The following CPNE9 variants were observed in gnomAD, a reference collection of about 807,000 sequenced individuals.
The protein encoded by CPNE9 is copine family member 9.
A neutral mutation model predicts 83.0 loss-of-function variants in CPNE9; 59 were observed. The ratio of observed to expected loss-of-function variants is 0.71; its 90% CI spans 0.58 to 0.88. CPNE9 has a LOEUF of 0.88. Among genes scored for constraint, CPNE9 ranks in the 40% least tolerant of loss-of-function variants. The pLI is 0.00. For missense variants in CPNE9, 619 were observed against 720.8 expected (o/e 0.86, Z 1.62); for synonymous variants, 256 against 273.4 (o/e 0.94, Z 0.63).
chr3:9,711,295 C>CG (rs1553689704), intron 7 of CPNE9, among the ~76,000 whole-genome samples: 1 of 152,050 alleles, frequency 6.6e-6, no homozygotes, highest in Non-Finnish European at 1.5e-5. Flanking sequence ...CTCTGCTTCC[C>CG]GGGTTCAAGC....
At chr3:9,726,444 A>T (rs960423112) in intron 18 of CPNE9, among the ~76,000 whole-genome samples, 1 of 152,236 alleles carries the variant, frequency 6.6e-6, no homozygotes, top group Non-Finnish European at 1.5e-5. Context: ...ATTGGACAGT[A>T]TGCAAATATG....
Position 9,713,111 on chromosome 3 carries a change from G to T in CPNE9, c.650+32G>T, listed in dbSNP as rs373156641. Reference sequence around the variant, plus strand: ...TCCAGCATAAGCTGGGGAGTAAGGAGCCAAGGACATGCCAGTGTGGTTCCT... The same window carrying T: ...TCCAGCATAAGCTGGGGAGTAAGGATCCAAGGACATGCCAGTGTGGTTCCT... On this transcript the variant is annotated intron_variant, in intron 10 of 20. Transcript: ENST00000383832. 1.1e-5 allele frequency: 16 copies of T among 1,518,704 alleles called. No homozygotes were observed. In the East Asian group the frequency reaches 3.6e-4, roughly 34 times the overall value. 94.1% of individuals were successfully genotyped at this position (1,518,704 alleles called of 1,614,324 possible). A position where few individuals can be genotyped will look rare whatever the true frequency, so the allele number is the denominator to read the frequency against.
chr3:9,725,921 C>A, intron 17 of CPNE9, 28 bp from the exon 18 acceptor site: 1 of 1,564,890 alleles, frequency 6.4e-7, no homozygotes, highest in Non-Finnish European at 8.8e-7. Flanking sequence ...TGGCTTTCAG[C>A]TGGATTCTCA....
intron 17 of CPNE9, among the ~76,000 whole-genome samples, chr3:9,721,924 T>G (rs916997515): frequency 5.0e-5 from 7 of 139,846 alleles, no homozygotes; most frequent in Non-Finnish European, 7.8e-5. Context: ...TTGTTTTTAG[T>G]TTTTTTTTTT....
At chr3:9,725,286 G>A (rs1193532428) in intron 17 of CPNE9, among the ~76,000 whole-genome samples, 2 of 152,024 alleles carry the variant, frequency 1.3e-5, no homozygotes, top group Admixed American at 1.3e-4. Flanking sequence ...TGTGCTCCCA[G>A]CACTTTGAGA....
intron 20 of CPNE9, among the ~76,000 whole-genome samples, chr3:9,728,660 A>AT (rs2076804236): frequency 6.6e-6 from 1 of 152,134 alleles, no homozygotes; most frequent in Non-Finnish European, 1.5e-5. Context: ...ATAAAACATA[A>AT]TTTTTTGAAA....
intron 6 of CPNE9, 125 bp from the exon 7 acceptor site, chr3:9,705,862 C>A: frequency 3.0e-6 from 4 of 1,335,082 alleles, no homozygotes; most frequent in Non-Finnish European, 4.2e-6. Context: ...CCATGTAGGG[C>A]CGTGGCTCTT....
intron 10 of CPNE9, 99 bp downstream of exon 10, chr3:9,713,178 G>A (rs2076647009): frequency 2.1e-6 from 2 of 930,878 alleles, no homozygotes; most frequent in Non-Finnish European, 3.3e-6. Flanking sequence ...TAGCGTTGGA[G>A]GGTCCTGCTC....
rs1316667739 is a variant in CPNE9, at chr3:9,718,099, C to T, written c.1002C>T (p.Leu334=). The change falls in exon 16 of 21, where the codon CTC becomes CTT. Residue 334 remains leucine (L), a synonymous_variant. Coordinates refer to ENST00000383832, the MANE Select transcript of CPNE9 (RefSeq NM_153635.3). ...AGCTCAGCGCCTATGCCATGGCCCT[C>T]AAGGCAGTGGGAGAGATCATCCAGG... is the stretch of plus-strand genomic sequence containing the variant. ...PYQLSAYAMA[L]KAVGEIIQDY... is the part of the protein sequence containing the mutation. 1 of 1,613,994 alleles carries T rather than the reference C, an allele frequency of 6.2e-7. No individual in the cohort carries two copies. The highest frequency in any genetic ancestry group is 2.2e-5 in the East Asian group (1 of 44,890).
At chr3:9,706,405 T>G (rs935565556) in intron 7 of CPNE9, among the ~76,000 whole-genome samples, 1 of 152,100 alleles carries the variant, frequency 6.6e-6, no homozygotes, top group Non-Finnish European at 1.5e-5. Flanking sequence ...CCTCAGGAAT[T>G]ACCATTACAT....
At chr3:9,725,690 A>ATGTGTATATATG in intron 17 of CPNE9, among the ~76,000 whole-genome samples, 1 of 41,886 alleles carries the variant, frequency 2.4e-5, no homozygotes, top group South Asian at 1.1e-3. Context: ...ATATATATAC[A>ATGTGTATATATG]TATATGTGTA....
At chr3:9,707,605 C>A (rs1037883547) in intron 7 of CPNE9, among the ~76,000 whole-genome samples, 1 of 150,714 alleles carries the variant, frequency 6.6e-6, no homozygotes, top group African/African-American at 2.4e-5. Flanking sequence ...GGAATTGACA[C>A]AAACTGAGAT....
chr3:9,705,980 T>G lies in CPNE9; in HGVS notation c.301-7T>G. 6.2e-7 allele frequency: 1 copy of G among 1,613,134 alleles called. No individual in the cohort carries two copies. Among genetic ancestry groups the G allele is most frequent in the Non-Finnish European group, 8.5e-7 (1 of 1,179,946 alleles). On this transcript the variant is annotated splice_polypyrimidine_tract_variant and splice_region_variant and intron_variant, in intron 6 of 20. Transcript: ENST00000383832. ...TTCTGGTCTTGCTGACTCCTTGTCCTGCATAGGATTTCCTGGGACAAGCGT... is the reference window on the plus strand; with the variant it reads ...TTCTGGTCTTGCTGACTCCTTGTCCGGCATAGGATTTCCTGGGACAAGCGT...
intron 10 of CPNE9, among the ~76,000 whole-genome samples, chr3:9,714,301 T>C (rs1180893095): frequency 6.6e-6 from 1 of 152,050 alleles, no homozygotes; most frequent in Non-Finnish European, 1.5e-5. Context: ...AACTGATAGG[T>C]AATTGGACTG....
chr3:9,705,376 A>AGCCCC, intron 4 of CPNE9, 88 bp from the exon 5 acceptor site: 1 of 1,116,052 alleles, frequency 9.0e-7, no homozygotes, highest in Non-Finnish European at 1.3e-6. Flanking sequence ...CCCTCCACCC[A>AGCCCC]AAATTTTCAC....
chr3:9,729,832 C>A lies in CPNE9; in HGVS notation c.*140C>A. On this transcript the variant is annotated 3_prime_UTR_variant, in exon 21 of 21. Coordinates refer to ENST00000383832, the MANE Select transcript of CPNE9 (RefSeq NM_153635.3). The stretch of plus-strand genomic sequence containing the variant: ...CAGTGCTGGCTGACAAGCCCTCCGC[C>A]TCCTTGCCTGCAGAGGGCCTGGCAC... 7.9e-7 allele frequency: 1 copy of A among 1,259,222 alleles called. No individual in the cohort carries two copies. Among genetic ancestry groups the A allele is most frequent in the South Asian group, 1.7e-5 (1 of 59,908 alleles). The allele number at this position is 1,259,222 out of a possible 1,614,324, so 78.0% of individuals were successfully genotyped here. A position where few individuals can be genotyped will look rare whatever the true frequency, so the allele number is the denominator to read the frequency against.
In CPNE9 at chr3:9,727,105, T is replaced by C. The variant is rs2076791362; in HGVS notation, c.1403-8T>C. On this transcript the variant is annotated splice_region_variant and splice_polypyrimidine_tract_variant and intron_variant, in intron 19 of 20. Coordinates refer to ENST00000383832, the MANE Select transcript of CPNE9 (RefSeq NM_153635.3). ...GCCAATCAGCTGAGGGGTGTGTCTT[T>C]TCTGCAGCAATGGAAGAGTTGGACG... 1 of 1,613,976 alleles carries C rather than the reference T, an allele frequency of 6.2e-7. No individual in the cohort carries two copies. Among genetic ancestry groups the C allele is most frequent in the Admixed American group, 1.7e-5 (1 of 59,998 alleles).
chr3:9,727,954 C>T (rs974125373), intron 20 of CPNE9, among the ~76,000 whole-genome samples: 2 of 152,088 alleles, frequency 1.3e-5, no homozygotes, highest in Admixed American at 1.3e-4. Flanking sequence ...GAAAATTTTA[C>T]AAGACTTGAT....
chr3:9,713,913 T>C (rs2076653527), intron 10 of CPNE9, among the ~76,000 whole-genome samples: 1 of 151,076 alleles, frequency 6.6e-6, no homozygotes, highest in Non-Finnish European at 1.5e-5. Flanking sequence ...CTACTAAAAA[T>C]ACAAAAAAAA....
Sources: allele counts gnomAD v4.1 joint callset (sites outside exome capture counted in the v4.1 genomes callset), GRCh38; gene constraint gnomAD v4.1.1; transcripts MANE v1.5; gene names NCBI Gene and HGNC (gene_info 2026-07-23, HGNC 2026-07-21).